Variants in TTC27 observed in about 807,000 individuals in gnomAD.
TTC27 encodes the protein tetratricopeptide repeat protein 27.
Under a neutral mutation model 115.9 loss-of-function variants are expected in TTC27, and 79 were observed. That is an observed-to-expected ratio of 0.68 (90% CI 0.57 to 0.82). The LOEUF (loss-of-function observed/expected upper bound fraction) is 0.82. TTC27 is among the 40% of genes least tolerant of loss of function. TTC27 has a pLI of 0.00. For missense variants in TTC27, 1,054 were observed against 993.1 expected (o/e 1.06, Z -0.82); for synonymous variants, 401 against 356.0 (o/e 1.13, Z -1.42).
intron 12 of TTC27, among the ~76,000 whole-genome samples, chr2:32,753,668 A>G (rs988088156): frequency 6.6e-6 from 1 of 151,904 alleles, no homozygotes; most frequent in African/African-American, 2.4e-5. Context: ...GCTTGTCTCA[A>G]ACTCCTGGCC....
intron 12 of TTC27, among the ~76,000 whole-genome samples, chr2:32,753,767 T>A (rs1367535256): frequency 6.6e-6 from 1 of 150,682 alleles, no homozygotes; most frequent in Non-Finnish European, 1.5e-5. Context: ...AACATTCACA[T>A]AGAACTAGTG....
intron 5 of TTC27, among the ~76,000 whole-genome samples, chr2:32,655,156 T>A (rs1665272738): frequency 6.6e-6 from 1 of 150,800 alleles, no homozygotes; most frequent in African/African-American, 2.4e-5. Flanking sequence ...GTCTGGCCAA[T>A]TTTTTTTTGT....
At chr2:32,636,847 T>C (rs1446972275) in intron 3 of TTC27, among the ~76,000 whole-genome samples, 1 of 152,120 alleles carries the variant, frequency 6.6e-6, no homozygotes, top group Non-Finnish European at 1.5e-5. Flanking sequence ...ACCTGAAGGA[T>C]GGTTAGAAAA....
intron 13 of TTC27, among the ~76,000 whole-genome samples, chr2:32,769,318 C>G (rs1669748251): frequency 6.6e-6 from 1 of 152,176 alleles, no homozygotes; most frequent in South Asian, 2.1e-4. Context: ...TGATAAAGTG[C>G]AGAGGGCTAT....
chr2:32,799,910 T>C (rs1349727203), intron 16 of TTC27, among the ~76,000 whole-genome samples: 3 of 152,212 alleles, frequency 2.0e-5, no homozygotes, highest in Admixed American at 2.0e-4. Flanking sequence ...AATAAAATAT[T>C]TAAATTGGAA....
intron 5 of TTC27, 106 bp from the exon 6 acceptor site, chr2:32,664,197 A>G: frequency 1.0e-6 from 1 of 980,536 alleles, no homozygotes. Flanking sequence ...TTATTTAACA[A>G]CAGAGACTAT....
At chr2:32,773,496 T>C (rs1450212780) in intron 13 of TTC27, among the ~76,000 whole-genome samples, 1 of 152,232 alleles carries the variant, frequency 6.6e-6, no homozygotes, top group African/African-American at 2.4e-5. Context: ...AAGGATGGTA[T>C]TGCCATAAAT....
At chr2:32,631,977 T>A (rs974021782) in intron 2 of TTC27, among the ~76,000 whole-genome samples, 1 of 151,756 alleles carries the variant, frequency 6.6e-6, no homozygotes, top group African/African-American at 2.4e-5. Context: ...CTGGCTCATT[T>A]TTTTTGTATG....
At chr2:32,701,502 G>C (rs1196137634) in intron 9 of TTC27, among the ~76,000 whole-genome samples, 1 of 152,194 alleles carries the variant, frequency 6.6e-6, no homozygotes, top group Non-Finnish European at 1.5e-5. Context: ...GATTGAGCAG[G>C]TAATTTAACC....
intron 12 of TTC27, among the ~76,000 whole-genome samples, chr2:32,743,361 C>G (rs1417502322): frequency 6.6e-6 from 1 of 152,116 alleles, no homozygotes; most frequent in Non-Finnish European, 1.5e-5. Flanking sequence ...ACTGGAGGCT[C>G]AACTTAATTT....
intron 10 of TTC27, among the ~76,000 whole-genome samples, chr2:32,725,962 G>C (rs1572552274): frequency 6.6e-6 from 1 of 152,214 alleles, no homozygotes; most frequent in Admixed American, 6.5e-5. Flanking sequence ...CTTGAGGCTT[G>C]CACCCTCTGA....
rs529162983 is a variant in TTC27, at chr2:32,697,616, T to C, written c.1120-5191T>C. On this transcript the variant is annotated intron_variant, in intron 9 of 19. Transcript: ENST00000317907. ...CTTCATTACTGCAGAATTTTGGAGG[T>C]GGTTGGTCAACTTTTAGTCTACATT... Among the ~76,000 whole-genome samples the C allele has an allele frequency of 4.6e-5, 7 of 152,298 alleles. No homozygotes were observed. In the East Asian group the frequency reaches 1.3e-3, roughly 29 times the overall value.
rs769381715 is a variant in TTC27, at chr2:32,782,635, G to A, written c.1789G>A (p.Ala597Thr). 2.3e-5 allele frequency: 37 copies of A among 1,611,764 alleles called. No homozygotes were observed. In the South Asian group the frequency reaches 3.5e-4, roughly 15 times the overall value. Residue 597 changes from alanine (A) to threonine (T), a missense_variant, in exon 15 of 20, where the codon GCT becomes ACT. Coordinates refer to ENST00000317907, the MANE Select transcript of TTC27 (RefSeq NM_017735.5). ...CVTLEPDNAE[A>T]WNNLSTSYIR... The stretch of plus-strand genomic sequence containing the variant: ...TTCTCTATCATTTCAGAATGCTGAA[G>A]CTTGGAACAATTTGTCAACTTCCTA...
chr2:32,663,138 A>G (rs1665616688), intron 5 of TTC27, among the ~76,000 whole-genome samples: 2 of 152,172 alleles, frequency 1.3e-5, no homozygotes, highest in African/African-American at 4.8e-5. Context: ...CAGCTGAGCT[A>G]GACCACTTGG....
chr2:32,631,806 A>G (rs1664223390), intron 2 of TTC27, among the ~76,000 whole-genome samples: 1 of 150,376 alleles, frequency 6.6e-6, no homozygotes, highest in South Asian at 2.1e-4. Flanking sequence ...AATATTATTC[A>G]TTTTCTTTTT....
chr2:32,636,226 T>C (rs1025029756), intron 3 of TTC27, among the ~76,000 whole-genome samples: 3 of 152,188 alleles, frequency 2.0e-5, no homozygotes, highest in African/African-American at 7.2e-5. Flanking sequence ...TCTTTTTTTT[T>C]GTTTTGAGAC....
At chr2:32,734,933 C>T (rs373683804) in intron 11 of TTC27, among the ~76,000 whole-genome samples, 1 of 152,134 alleles carries the variant, frequency 6.6e-6, no homozygotes, top group Non-Finnish European at 1.5e-5. Context: ...CTGTTTTACA[C>T]GTGAGGAAGC....
intron 3 of TTC27, among the ~76,000 whole-genome samples, chr2:32,637,210 A>C (rs1212750289): frequency 3.3e-5 from 5 of 152,156 alleles, no homozygotes; most frequent in African/African-American, 1.2e-4. Context: ...TGCTATGTTA[A>C]ATTACTTGTT....
At chr2:32,735,533 A>G (rs998617448) in intron 11 of TTC27, among the ~76,000 whole-genome samples, 4 of 152,212 alleles carry the variant, frequency 2.6e-5, no homozygotes, top group Non-Finnish European at 5.9e-5. Context: ...AGGCAGTTAG[A>G]TAAGGATCAT....
Sources: gnomAD v4.1 joint callset for allele counts (sites outside exome capture counted in the v4.1 genomes callset) on GRCh38, gnomAD v4.1.1 for gene constraint, MANE v1.5 for transcripts, NCBI Gene and HGNC (gene_info 2026-07-23, HGNC 2026-07-21) for gene names.